GALNT13: variants seen among roughly 807,000 people sequenced by gnomAD.
GALNT13 encodes the protein UDP-GalNAc:polypeptide N-acetylgalactosaminyltransferase 13.
Under a neutral mutation model 64.2 loss-of-function variants are expected in GALNT13, and 28 were observed. That is an observed-to-expected ratio of 0.44 (90% CI 0.32 to 0.60). The LOEUF is 0.60. Ranked by LOEUF, GALNT13 falls within the 20% of genes least tolerant of loss-of-function variation. The probability of loss-of-function intolerance (pLI) is 0.05; values close to 1 mark genes in which losing one functional copy is unlikely to be tolerated. For missense variants in GALNT13, 577 were observed against 669.8 expected, an observed-to-expected ratio of 0.86 and a Z score of 1.53; for synonymous variants, 214 against 224.6, an observed-to-expected ratio of 0.95 and a Z score of 0.42.
At chr2:154,192,131 T>A (rs1454703511) in intron 4 of GALNT13, among the ~76,000 whole-genome samples, 1 of 152,168 alleles carries the variant, frequency 6.6e-6, no homozygotes, top group Non-Finnish European at 1.5e-5. Flanking sequence ...CTGCGCATCA[T>A]TTCACCAGTC....
chr2:153,574,394 G>A, the GALNT13 span, among the ~76,000 whole-genome samples: 1 of 152,060 alleles, frequency 6.6e-6, no homozygotes, highest in Non-Finnish European at 1.5e-5. Context: ...TCTATCTCTA[G>A]ATTTGGGGAG....
chr2:153,291,601 G>A, the GALNT13 span, among the ~76,000 whole-genome samples: 1 of 150,778 alleles, frequency 6.6e-6, no homozygotes, highest in Non-Finnish European at 1.5e-5. Context: ...CTGGAAGGCG[G>A]CTCCTGCTTC....
intron 12 of GALNT13, among the ~76,000 whole-genome samples, chr2:154,449,927 C>G (rs111841205): frequency 6.6e-6 from 1 of 151,988 alleles, no homozygotes; most frequent in Non-Finnish European, 1.5e-5. Flanking sequence ...GAGTGTCTTA[C>G]AGTCACAGAT....
chr2:153,855,080 CA>C, the GALNT13 span, among the ~76,000 whole-genome samples: 262 of 152,030 alleles, frequency 1.7e-3, no homozygotes, highest in Non-Finnish European at 2.5e-3. Context: ...AGATTTGTGA[CA>C]AAGTTGGAAA....
the GALNT13 span, among the ~76,000 whole-genome samples, chr2:153,518,340 A>G: frequency 6.6e-6 from 1 of 152,120 alleles, no homozygotes; most frequent in Non-Finnish European, 1.5e-5. Flanking sequence ...GACCATGTAT[A>G]TTTGTTCATC....
the GALNT13 span, among the ~76,000 whole-genome samples, chr2:153,277,802 T>A: frequency 6.6e-6 from 1 of 152,062 alleles, no homozygotes; most frequent in East Asian, 1.9e-4. Context: ...TTTTTTCTTG[T>A]TTGCTGACTG....
At chr2:154,036,623 CT>C (rs34388931) in intron 3 of GALNT13, among the ~76,000 whole-genome samples, 1 of 151,968 alleles carries the variant, frequency 6.6e-6, no homozygotes, top group African/African-American at 2.4e-5. Context: ...GTATGCACAC[CT>C]TTTTTACACG....
At chr2:153,728,504 G>A in the GALNT13 span, among the ~76,000 whole-genome samples, 2 of 152,126 alleles carry the variant, frequency 1.3e-5, no homozygotes, top group East Asian at 1.9e-4. Flanking sequence ...AGTGTTAGGA[G>A]GGAAATTTGT....
chr2:153,665,020 G>T, the GALNT13 span, among the ~76,000 whole-genome samples: 1 of 152,206 alleles, frequency 6.6e-6, no homozygotes, highest in Non-Finnish European at 1.5e-5. Context: ...GAGTATGGCA[G>T]TCAAACTCAC....
the GALNT13 span, among the ~76,000 whole-genome samples, chr2:153,116,794 C>CTTTTTT: frequency 1.2e-3 from 98 of 82,440 alleles, 1 homozygote; most frequent in Admixed American, 1.4e-3. Context: ...GTGTTGTCTT[C>CTTTTTT]TTTTTTTTTT....
At chr2:153,458,818 T>C in the GALNT13 span, among the ~76,000 whole-genome samples, 1 of 152,224 alleles carries the variant, frequency 6.6e-6, no homozygotes, top group Non-Finnish European at 1.5e-5. Flanking sequence ...AGTAACTATT[T>C]TAAAAAGATC....
chr2:154,297,338 C>G (rs528660420), intron 8 of GALNT13, among the ~76,000 whole-genome samples: 2 of 152,218 alleles, frequency 1.3e-5, no homozygotes, highest in Non-Finnish European at 2.9e-5. Context: ...GCCGCGGAAA[C>G]AGAGAGAGGG....
intron 7 of GALNT13, among the ~76,000 whole-genome samples, chr2:154,248,732 A>T (rs534664681): frequency 2.6e-5 from 4 of 152,154 alleles, no homozygotes; most frequent in Non-Finnish European, 5.9e-5. Flanking sequence ...ATTTAATAGA[A>T]ACTGCCCATG....
At chr2:153,376,494 C>G in the GALNT13 span, among the ~76,000 whole-genome samples, 1 of 152,024 alleles carries the variant, frequency 6.6e-6, no homozygotes, top group Non-Finnish European at 1.5e-5. Context: ...GTTAAGGTGT[C>G]TGGTATAAGA....
At chr2:153,330,581 A>C in the GALNT13 span, among the ~76,000 whole-genome samples, 2,243 of 151,920 alleles carry the variant, frequency 0.015, 63 homozygotes, top group African/African-American at 0.051. Context: ...CATTATTAAT[A>C]TATAGAAATG....
At chr2:154,119,174 G>A (rs1197766149) in intron 3 of GALNT13, among the ~76,000 whole-genome samples, 1 of 152,070 alleles carries the variant, frequency 6.6e-6, no homozygotes, top group Non-Finnish European at 1.5e-5. Flanking sequence ...ATTTCCCCAT[G>A]ACTCTGAAAA....
At chr2:154,163,642 A>G (rs1684864820) in intron 4 of GALNT13, among the ~76,000 whole-genome samples, 1 of 152,168 alleles carries the variant, frequency 6.6e-6, no homozygotes, top group Admixed American at 6.5e-5. Flanking sequence ...TCTTTAGCAT[A>G]ATCAGAATCA....
chr2:153,226,153 C>T, the GALNT13 span, among the ~76,000 whole-genome samples: 16 of 152,018 alleles, frequency 1.1e-4, no homozygotes, highest in South Asian at 2.9e-3. Flanking sequence ...AGGCTGGTCT[C>T]GAACTCCTGA....
intron 1 of GALNT13, among the ~76,000 whole-genome samples, chr2:153,884,785 A>ATATATATATATATATATATGTG (rs1450308010): frequency 3.3e-5 from 4 of 122,504 alleles, no homozygotes; most frequent in African/African-American, 1.4e-4. Context: ...ATATATATAT[A>ATATATATATATATATATATGTG]TGTGTGTGTA....
Sources: gnomAD v4.1 joint callset for allele counts (sites outside exome capture counted in the v4.1 genomes callset) on GRCh38, gnomAD v4.1.1 for gene constraint, MANE v1.5 for transcripts, NCBI Gene and HGNC (gene_info 2026-07-23, HGNC 2026-07-21) for gene names.